The following GSG1L variants were observed in gnomAD, a reference collection of about 807,000 sequenced individuals.
GSG1L encodes germ cell-specific gene 1-like protein.
A neutral mutation model predicts 42.1 loss-of-function variants in GSG1L; 24 were observed. The observed-to-expected ratio is 0.57, with a 90% CI of 0.41 to 0.80. The LOEUF (loss-of-function observed/expected upper bound fraction) is 0.80, where lower values mean the gene tolerates loss of function less well. GSG1L is among the 30% of genes least tolerant of loss of function. The pLI, the probability that GSG1L is intolerant of heterozygous loss-of-function variation, is 0.00. For synonymous variants in GSG1L, 215 were observed against 203.5 expected, an observed-to-expected ratio of 1.06 and a Z score of -0.48; for missense variants, 445 against 472.2, an observed-to-expected ratio of 0.94 and a Z score of 0.53.
At chr16:27,865,060 G>A (rs1438145962) in intron 3 of GSG1L, among the ~76,000 whole-genome samples, 1 of 152,166 alleles carries the variant, frequency 6.6e-6, no homozygotes, top group Non-Finnish European at 1.5e-5. Context: ...AGTCAGCTGT[G>A]ATGTCTGGTG....
At chr16:28,045,101 G>A (rs1567568025) in intron 1 of GSG1L, among the ~76,000 whole-genome samples, 1 of 152,116 alleles carries the variant, frequency 6.6e-6, no homozygotes, top group Non-Finnish European at 1.5e-5. Flanking sequence ...GATTTTTTGG[G>A]GGTAGTGAAA....
At chr16:27,812,476 C>T (rs184624418) in intron 5 of GSG1L, among the ~76,000 whole-genome samples, 1 of 152,180 alleles carries the variant, frequency 6.6e-6, no homozygotes. Context: ...CAGACATAGA[C>T]GAGATGGAAA....
At chr16:28,055,787 T>G (rs775014710) in intron 1 of GSG1L, among the ~76,000 whole-genome samples, 10 of 152,158 alleles carry the variant, frequency 6.6e-5, no homozygotes, top group Non-Finnish European at 1.2e-4. Context: ...CTTTTATTCT[T>G]ATCTGGGGTC....
At chr16:27,827,614 A>C (rs2140964699) in intron 5 of GSG1L, among the ~76,000 whole-genome samples, 1 of 152,260 alleles carries the variant, frequency 6.6e-6, no homozygotes, top group East Asian at 1.9e-4. Flanking sequence ...CCCTGGAGGA[A>C]AAGCTCAGAA....
chr16:27,825,748 C>T (rs900540274), intron 5 of GSG1L, among the ~76,000 whole-genome samples: 13 of 132,826 alleles, frequency 9.8e-5, no homozygotes, highest in Admixed American at 7.1e-4. Context: ...ATCATGGGGA[C>T]AGTACCCCTA....
At chr16:27,977,388 A>C (rs1302544885) in intron 1 of GSG1L, among the ~76,000 whole-genome samples, 1 of 151,984 alleles carries the variant, frequency 6.6e-6, no homozygotes, top group Admixed American at 6.6e-5. Context: ...TGAGACCAAC[A>C]TGGTCAAACC....
chr16:27,910,608 A>T (rs763048301), intron 2 of GSG1L, among the ~76,000 whole-genome samples: 1 of 152,206 alleles, frequency 6.6e-6, no homozygotes, highest in Non-Finnish European at 1.5e-5. Context: ...GATGAACTGC[A>T]TGGTTCATGA....
intron 2 of GSG1L, among the ~76,000 whole-genome samples, chr16:27,938,987 T>C (rs1459099715): frequency 6.6e-6 from 1 of 152,158 alleles, no homozygotes; most frequent in Non-Finnish European, 1.5e-5. Context: ...GGATGGATGC[T>C]TCATTGCTGT....
chr16:27,866,837 G>A (rs757046221), intron 3 of GSG1L, among the ~76,000 whole-genome samples: 16 of 152,094 alleles, frequency 1.1e-4, no homozygotes, highest in Non-Finnish European at 2.1e-4. Context: ...CTCCCAAAGT[G>A]CTGGGATTAC....
intron 2 of GSG1L, among the ~76,000 whole-genome samples, chr16:27,933,089 G>T (rs1446499159): frequency 6.6e-6 from 1 of 151,772 alleles, no homozygotes; most frequent in Non-Finnish European, 1.5e-5. Flanking sequence ...GCAAAAGGGG[G>T]CACCTTTGTA....
Position 27,884,414 on chromosome 16 carries a change from C to T in GSG1L, c.550+72G>A. The stretch of plus-strand genomic sequence containing the variant: ...TCCAATGCCTCCCGGTTGGTACAAC[C>T]AGGGCTTACTCCAAGGGCAGCACCC... On this transcript the variant is annotated intron_variant, in intron 3 of 6. Coordinates refer to ENST00000447459, the MANE Select transcript of GSG1L (RefSeq NM_001109763.2). This position sits in a 1 kb window ranked among gnomAD's most constrained non-coding sequence, Gnocchi z 4.4. The T allele has an allele frequency of 1.4e-6, 2 of 1,445,758 alleles. No homozygotes were observed. The highest frequency in any genetic ancestry group is 1.9e-6 in the Non-Finnish European group (2 of 1,067,832). 89.6% of individuals were successfully genotyped at this position (1,445,758 alleles called of 1,614,324 possible). A position where few individuals can be genotyped will look rare whatever the true frequency, so the allele number is the denominator to read the frequency against.
At chr16:27,916,098 T>C (rs1213228465) in intron 2 of GSG1L, among the ~76,000 whole-genome samples, 1 of 152,050 alleles carries the variant, frequency 6.6e-6, no homozygotes, top group African/African-American at 2.4e-5. Flanking sequence ...GGTGATTCCC[T>C]CTAACCCCTG....
chr16:27,857,427 C>CAAAA (rs11401928), intron 3 of GSG1L, among the ~76,000 whole-genome samples: 5 of 124,876 alleles, frequency 4.0e-5, no homozygotes, highest in South Asian at 2.7e-4. Flanking sequence ...GACTACATCT[C>CAAAA]AAAAAAAAAA....
intron 2 of GSG1L, among the ~76,000 whole-genome samples, chr16:27,916,486 CTT>C (rs35176989): frequency 0.024 from 2,706 of 114,838 alleles, 31 homozygotes; most frequent in Non-Finnish European, 0.03. Context: ...ATTTTTAATC[CTT>C]TTTTTTTTTT....
At chr16:27,847,366 G>T (rs772965) in intron 3 of GSG1L, among the ~76,000 whole-genome samples, 43,968 of 152,094 alleles carry the variant, frequency 0.29, 6,612 homozygotes, top group East Asian at 0.45. Context: ...GCCAGAGCTG[G>T]GCTGGGTGTG....
intron 6 of GSG1L, among the ~76,000 whole-genome samples, chr16:27,802,415 G>A (rs919783743): frequency 6.6e-6 from 1 of 152,172 alleles, no homozygotes. Context: ...GCTGTTTGAC[G>A]TGGGAGTTCC....
intron 2 of GSG1L, among the ~76,000 whole-genome samples, chr16:27,891,174 G>C (rs2084121119): frequency 1.3e-5 from 2 of 152,200 alleles, no homozygotes; most frequent in Admixed American, 1.3e-4. Flanking sequence ...GGGTGCCACT[G>C]GGGGCTGTGA....
intron 1 of GSG1L, among the ~76,000 whole-genome samples, chr16:28,060,323 G>A (rs1437875745): frequency 6.6e-6 from 1 of 152,130 alleles, no homozygotes; most frequent in East Asian, 1.9e-4. Context: ...GGACCACCGT[G>A]GTGGAGAAGG....
At chr16:27,798,271 G>A (rs535689231) in intron 6 of GSG1L, among the ~76,000 whole-genome samples, 4 of 152,242 alleles carry the variant, frequency 2.6e-5, no homozygotes, top group East Asian at 3.9e-4. Flanking sequence ...AGGCAGAGAC[G>A]AACGTGTTCC....
Sources: gnomAD v4.1 joint callset for allele counts (sites outside exome capture counted in the v4.1 genomes callset) on GRCh38, gnomAD v4.1.1 for gene constraint, Gnocchi (gnomAD v3.1) non-coding constraint, MANE v1.5 for transcripts, NCBI Gene and HGNC (gene_info 2026-07-23, HGNC 2026-07-21) for gene names.